The following HEATR4 variants were observed in gnomAD, a reference collection of about 807,000 sequenced individuals.
The protein encoded by HEATR4 is HEAT repeat containing 4.
In HEATR4, 95 loss-of-function variants were observed where a neutral mutation model predicts 108.8. The ratio of observed to expected loss-of-function variants is 0.87; its 90% CI spans 0.74 to 1.04. The LOEUF (loss-of-function observed/expected upper bound fraction) is 1.04, where lower values mean the gene tolerates loss of function less well. Among genes scored for constraint, HEATR4 ranks in the 50% least tolerant of loss-of-function variants. The pLI, the probability that HEATR4 is intolerant of heterozygous loss-of-function variation, is 0.00. For synonymous variants in HEATR4, 443 were observed against 459.4 expected (o/e 0.96, Z 0.46); for missense variants, 1,152 against 1,253.8 (o/e 0.92, Z 1.23).
the HEATR4 span, among the ~76,000 whole-genome samples, chr14:73,579,327 A>C: frequency 1.4e-5 from 2 of 143,138 alleles, no homozygotes; most frequent in African/African-American, 5.1e-5. Context: ...CTGTAATCCC[A>C]GCTCTTTGAG....
At chr14:73,588,865 A>T in the HEATR4 span, among the ~76,000 whole-genome samples, 1 of 152,114 alleles carries the variant, frequency 6.6e-6, no homozygotes, top group Non-Finnish European at 1.5e-5. Context: ...TCAGATTAAA[A>T]GTCTGATGCT....
chr14:73,626,616 C>G, the HEATR4 span, among the ~76,000 whole-genome samples: 1 of 151,644 alleles, frequency 6.6e-6, no homozygotes, highest in Admixed American at 6.6e-5. Context: ...TCACTTGAGC[C>G]CAGAGGTTCA....
the HEATR4 span, among the ~76,000 whole-genome samples, chr14:73,628,570 A>G: frequency 6.6e-6 from 1 of 152,186 alleles, no homozygotes; most frequent in East Asian, 1.9e-4. Context: ...CCTGACCAAC[A>G]TGGAGAAACT....
the HEATR4 span, among the ~76,000 whole-genome samples, chr14:73,603,712 G>T: frequency 6.6e-6 from 1 of 150,884 alleles, no homozygotes; most frequent in African/African-American, 2.4e-5. Context: ...CAAAACATTT[G>T]ATCGAAGTGC....
At chr14:73,606,362 GAAAC>G in the HEATR4 span, among the ~76,000 whole-genome samples, 15 of 124,252 alleles carry the variant, frequency 1.2e-4, no homozygotes, top group South Asian at 1.4e-3. Context: ...GTCTCAAAAA[GAAAC>G]AAACAAACAA....
chr14:73,513,979 T>G, intron 6 of HEATR4, 52 bp downstream of exon 6: 12 of 1,562,514 alleles, frequency 7.7e-6, no homozygotes, highest in South Asian at 2.2e-5. Flanking sequence ...TAGTCCCAGA[T>G]GAGAACCACT....
In HEATR4 at chr14:73,523,326, G is replaced by C. The variant is rs556158046; in HGVS notation, c.-72-102C>G. 603 of 606,992 alleles carry C rather than the reference G, an allele frequency of 9.9e-4. 2 individuals carry two copies. Among genetic ancestry groups the C allele is most frequent in the Middle Eastern group, 3.6e-3 (8 of 2,244 alleles). The allele number at this position is 606,992 out of a possible 1,614,324, so 37.6% of individuals were successfully genotyped here. A position where few individuals can be genotyped will look rare whatever the true frequency, so the allele number is the denominator to read the frequency against. Reference sequence around the variant, plus strand: ...AATAACTTGAAAAACAGATGGAAAGGGGGTGGGGAAGAGCCATGTGAGTTA... The same window carrying C: ...AATAACTTGAAAAACAGATGGAAAGCGGGTGGGGAAGAGCCATGTGAGTTA... On this transcript the variant is annotated intron_variant, in intron 2 of 17. Coordinates refer to ENST00000553558, the MANE Select transcript of HEATR4 (RefSeq NM_001220484.1).
At position 73,536,195 on chromosome 14, in the gene HEATR4, GT is replaced by G. The variant is rs1443049254; in HGVS notation, c.-151-5952del. Among the ~76,000 whole-genome samples, 2 of 113,270 alleles carry G rather than the reference GT, an allele frequency of 1.8e-5. 1 individual carries two copies. Among genetic ancestry groups the G allele is most frequent in the Non-Finnish European group, 3.8e-5 (2 of 52,362 alleles). 74.3% of individuals were successfully genotyped at this position (113,270 alleles called of 152,430 possible). On this transcript the variant is annotated intron_variant, in intron 1 of 17. Coordinates refer to ENST00000553558, the MANE Select transcript of HEATR4 (RefSeq NM_001220484.1). ...TTATTAGGAGCAGAGGCAAACACAG[GT>G]TTTGTGAGTTTGAAGCTTACGCATT...
chr14:73,573,520 C>T, the HEATR4 span: 3 of 1,613,616 alleles, frequency 1.9e-6, no homozygotes, highest in South Asian at 3.3e-5. Flanking sequence ...GAAGACCTCC[C>T]CAAGACCATG....
chr14:73,524,222 G>C (rs1166185001), intron 2 of HEATR4, among the ~76,000 whole-genome samples: 1 of 148,848 alleles, frequency 6.7e-6, no homozygotes, highest in Non-Finnish European at 1.5e-5. Flanking sequence ...AACCCAGGGT[G>C]GGGGAGATTG....
chr14:73,498,593 C>T (rs1886239230), intron 13 of HEATR4, among the ~76,000 whole-genome samples: 1 of 152,112 alleles, frequency 6.6e-6, no homozygotes, highest in Non-Finnish European at 1.5e-5. Context: ...ACATGGAAGA[C>T]CTGCCTAGTC....
At position 73,535,842 on chromosome 14, in the gene HEATR4, C is replaced by T. The variant is rs1467870110; in HGVS notation, c.-151-5598G>A. ...TCTGAAACTCCTGGCCTTAAGAAAC[C>T]CTGCCACCTCAGCCTCCAAGTAAAC... On this transcript the variant is annotated intron_variant, in intron 1 of 17. Transcript: ENST00000553558. Among the ~76,000 whole-genome samples the T allele has an allele frequency of 1.7e-5, 2 of 115,286 alleles. 1 individual carries two copies. The highest frequency in any genetic ancestry group is 3.8e-5 in the Non-Finnish European group (2 of 52,810). 75.6% of individuals were successfully genotyped at this position (115,286 alleles called of 152,430 possible).
chr14:73,568,623 AAAT>A, the HEATR4 span, among the ~76,000 whole-genome samples: 3 of 152,048 alleles, frequency 2.0e-5, no homozygotes, highest in African/African-American at 7.2e-5. Flanking sequence ...CAGTAAAACA[AAAT>A]AATAACTATT....
intron 13 of HEATR4, among the ~76,000 whole-genome samples, chr14:73,498,554 C>G (rs1242972992): frequency 6.6e-6 from 1 of 152,152 alleles, no homozygotes; most frequent in African/African-American, 2.4e-5. Context: ...GGATATTTGC[C>G]TATTTTGGGA....
rs554064126 is a variant in HEATR4 at position 73,533,635 on chromosome 14, C to G, written c.-151-3391G>C. Among the ~76,000 whole-genome samples, 5 of 113,894 alleles carry G rather than the reference C, an allele frequency of 4.4e-5. 2 individuals carry two copies. The East Asian group carries it at 3.5e-3, about 79-fold the overall frequency. 74.7% of individuals were successfully genotyped at this position (113,894 alleles called of 152,430 possible). ...CGGAGGTTTCAGTGAGCTGAGACCG[C>G]GCCACTGCACTCCAGCCTGGGGGGA... On this transcript the variant is annotated intron_variant, in intron 1 of 17. Coordinates refer to ENST00000553558, the MANE Select transcript of HEATR4 (RefSeq NM_001220484.1).
At chr14:73,584,900 C>A in the HEATR4 span, among the ~76,000 whole-genome samples, 1 of 151,546 alleles carries the variant, frequency 6.6e-6, no homozygotes, top group African/African-American at 2.4e-5. Context: ...ATTCTAGCAC[C>A]CCATAAACAC....
the HEATR4 span, among the ~76,000 whole-genome samples, chr14:73,566,224 A>G: frequency 6.6e-6 from 1 of 152,144 alleles, no homozygotes; most frequent in Admixed American, 6.5e-5. Context: ...AGCTAGACAT[A>G]AAGGTTCTCC....
At chr14:73,490,783 G>A (rs942299300) in intron 17 of HEATR4, among the ~76,000 whole-genome samples, 1 of 152,258 alleles carries the variant, frequency 6.6e-6, no homozygotes, top group African/African-American at 2.4e-5. Flanking sequence ...TGCTCTCTGA[G>A]TGTAGATTCC....
chr14:73,538,611 CAAAA>C (rs59948219), intron 1 of HEATR4, among the ~76,000 whole-genome samples: 1 of 27,232 alleles, frequency 3.7e-5, no homozygotes, highest in Non-Finnish European at 8.3e-5. Context: ...GACTCCGTCT[CAAAA>C]AAAAAAAAAA....
Sources: allele counts gnomAD v4.1 joint callset (sites outside exome capture counted in the v4.1 genomes callset), GRCh38; gene constraint gnomAD v4.1.1; transcripts MANE v1.5; gene names NCBI Gene and HGNC (gene_info 2026-07-23, HGNC 2026-07-21).